OTUD7A: variants seen among roughly 807,000 people sequenced by gnomAD.
OTUD7A encodes OTU deubiquitinase 7A.
Under a neutral mutation model 65.7 loss-of-function variants are expected in OTUD7A, and 12 were observed. The ratio of observed to expected loss-of-function variants is 0.18; its 90% CI spans 0.12 to 0.30. OTUD7A has a LOEUF of 0.30. Ranked by LOEUF, OTUD7A falls within the 10% of genes least tolerant of loss-of-function variation. The probability of loss-of-function intolerance (pLI) is 1.00; values close to 1 mark genes in which losing one functional copy is unlikely to be tolerated. For missense variants in OTUD7A, 1,148 were observed against 1,304.8 expected, an observed-to-expected ratio of 0.88 and a Z score of 1.85; for synonymous variants, 641 against 586.3, an observed-to-expected ratio of 1.09 and a Z score of -1.35.
At chr15:31,491,141 A>G (rs1024139565) in intron 10 of OTUD7A, among the ~76,000 whole-genome samples, 1 of 152,054 alleles carries the variant, frequency 6.6e-6, no homozygotes, top group Non-Finnish European at 1.5e-5. Context: ...AAAAAAAAAA[A>G]CCCAACACAT....
At chr15:31,849,506 G>A (rs1241741204) in intron 1 of OTUD7A, among the ~76,000 whole-genome samples, 1 of 152,170 alleles carries the variant, frequency 6.6e-6, no homozygotes, top group African/African-American at 2.4e-5. Flanking sequence ...AGGACTTCAT[G>A]ACTAAAACAC....
At chr15:31,869,771 G>C (rs952842653) in intron 1 of OTUD7A, among the ~76,000 whole-genome samples, 4 of 152,196 alleles carry the variant, frequency 2.6e-5, no homozygotes, top group African/African-American at 4.8e-5. Context: ...CCGGGAGGGA[G>C]GAGGGTACAC....
intron 10 of OTUD7A, among the ~76,000 whole-genome samples, chr15:31,495,194 C>T (rs1260200187): frequency 6.6e-6 from 1 of 152,158 alleles, no homozygotes; most frequent in African/African-American, 2.4e-5. Context: ...CAGTTCTTTC[C>T]GTGGAGTTAA....
chr15:31,774,029 T>A (rs1044932200), intron 1 of OTUD7A, among the ~76,000 whole-genome samples: 1 of 152,168 alleles, frequency 6.6e-6, no homozygotes, highest in East Asian at 1.9e-4. Flanking sequence ...GGGTAAAAAG[T>A]AAAAACAAGG....
At chr15:31,672,581 C>T (rs1892507954) in intron 1 of OTUD7A, among the ~76,000 whole-genome samples, 1 of 152,086 alleles carries the variant, frequency 6.6e-6, no homozygotes, top group East Asian at 1.9e-4. Flanking sequence ...TTACTAAAGC[C>T]CAGAGTGCCC....
intron 3 of OTUD7A, among the ~76,000 whole-genome samples, chr15:31,616,459 G>C (rs1890589159): frequency 6.6e-6 from 1 of 152,164 alleles, no homozygotes; most frequent in South Asian, 2.1e-4. Context: ...ATCTAAGTTG[G>C]GGGTTTGCAA....
chr15:31,662,716 T>G (rs1030407104), intron 1 of OTUD7A, among the ~76,000 whole-genome samples: 1 of 152,260 alleles, frequency 6.6e-6, no homozygotes, highest in African/African-American at 2.4e-5. Flanking sequence ...ACAGGACTTC[T>G]TGGACAGCTA....
At chr15:31,663,202 T>G (rs1025070529) in intron 1 of OTUD7A, among the ~76,000 whole-genome samples, 2 of 151,194 alleles carry the variant, frequency 1.3e-5, no homozygotes, top group African/African-American at 2.4e-5. Flanking sequence ...ATAACTTTGG[T>G]GTTTCCACAC....
chr15:31,608,589 A>C (rs1413247332), intron 3 of OTUD7A, among the ~76,000 whole-genome samples: 1 of 152,182 alleles, frequency 6.6e-6, no homozygotes, highest in Non-Finnish European at 1.5e-5. Context: ...TGTCCCAACA[A>C]ACCCATCCTA....
intron 1 of OTUD7A, among the ~76,000 whole-genome samples, chr15:31,723,401 C>G (rs779342575): frequency 1.1e-4 from 13 of 117,330 alleles, no homozygotes; most frequent in East Asian, 2.5e-4. Context: ...GCCACCCCCC[C>G]CCCCCCGCCC....
chr15:31,819,391 C>G (rs1459789517), intron 1 of OTUD7A, among the ~76,000 whole-genome samples: 2 of 152,132 alleles, frequency 1.3e-5, no homozygotes, highest in Non-Finnish European at 2.9e-5. Context: ...TGCAACTCTT[C>G]TGTAAGTCTA....
At position 31,483,213 on chromosome 15, in the gene OTUD7A, G is replaced by A. The variant is rs1042983929; in HGVS notation, c.*81C>T. 3 of 1,036,108 alleles carry A rather than the reference G, an allele frequency of 2.9e-6. No homozygotes were observed. The highest frequency in any genetic ancestry group is 4.5e-5 in the South Asian group (1 of 22,302). The allele number at this position is 1,036,108 out of a possible 1,614,324, so 64.2% of individuals were successfully genotyped here. A position where few individuals can be genotyped will look rare whatever the true frequency, so the allele number is the denominator to read the frequency against. On this transcript the variant is annotated 3_prime_UTR_variant, in exon 13 of 13. Transcript: ENST00000307050. ...GAGGCGCCGGCCTTCCGGTGGACCA[G>A]GGCATGTAAAAAAGACACCGACACA...
chr15:31,678,683 CT>C (rs1249475235), intron 1 of OTUD7A, among the ~76,000 whole-genome samples: 2 of 152,194 alleles, frequency 1.3e-5, no homozygotes, highest in African/African-American at 4.8e-5. Flanking sequence ...TAACCTCTGC[CT>C]AGATTTCAGA....
chr15:31,547,419 G>A (rs984647126), intron 5 of OTUD7A, among the ~76,000 whole-genome samples: 1 of 152,256 alleles, frequency 6.6e-6, no homozygotes, highest in Non-Finnish European at 1.5e-5. Flanking sequence ...TACACTGCCA[G>A]TTTTATTTTA....
chr15:31,801,326 C>T (rs1255342316), intron 1 of OTUD7A, among the ~76,000 whole-genome samples: 1 of 152,226 alleles, frequency 6.6e-6, no homozygotes, highest in Non-Finnish European at 1.5e-5. Flanking sequence ...AGCGGAACAC[C>T]AGGAACTGCA....
intron 1 of OTUD7A, among the ~76,000 whole-genome samples, chr15:31,721,811 G>A (rs1311779053): frequency 2.6e-5 from 4 of 152,178 alleles, no homozygotes; most frequent in African/African-American, 4.8e-5. Flanking sequence ...GCTCCTCACA[G>A]CCTGGCTGTG....
intron 5 of OTUD7A, among the ~76,000 whole-genome samples, chr15:31,542,525 C>CA (rs1888016005): frequency 6.6e-6 from 1 of 151,802 alleles, no homozygotes; most frequent in African/African-American, 2.4e-5. Flanking sequence ...TAAGAATAGA[C>CA]TGAAAAGATC....
chr15:31,681,502 T>C (rs74012572), intron 1 of OTUD7A, among the ~76,000 whole-genome samples: 8,420 of 151,490 alleles, frequency 0.056, 803 homozygotes, highest in African/African-American at 0.19. Context: ...TGTCTTTCAA[T>C]CTATCTTGTT....
At chr15:31,752,535 CT>C (rs1595746084) in intron 1 of OTUD7A, among the ~76,000 whole-genome samples, 1 of 152,176 alleles carries the variant, frequency 6.6e-6, no homozygotes, top group African/African-American at 2.4e-5. Context: ...TCAAATGAAT[CT>C]TTTATTCATG....
Sources: gnomAD v4.1 joint callset for allele counts (sites outside exome capture counted in the v4.1 genomes callset) on GRCh38, gnomAD v4.1.1 for gene constraint, MANE v1.5 for transcripts, NCBI Gene and HGNC (gene_info 2026-07-23, HGNC 2026-07-21) for gene names.